SETBP1: variants seen among roughly 807,000 people sequenced by gnomAD.
SETBP1 encodes SET-binding protein.
In SETBP1, 9 loss-of-function variants were observed where a neutral mutation model predicts 101.0. The ratio of observed to expected loss-of-function variants is 0.09; its 90% CI spans 0.05 to 0.16. The LOEUF is 0.16. Ranked by LOEUF, SETBP1 falls within the 10% of genes least tolerant of loss-of-function variation. The pLI, the probability that SETBP1 is intolerant of heterozygous loss-of-function variation, is 1.00. For synonymous variants in SETBP1, 818 were observed against 788.5 expected (o/e 1.04, Z -0.63); for missense variants, 1,858 against 2,033.8 (o/e 0.91, Z 1.66).
intron 2 of SETBP1, among the ~76,000 whole-genome samples, chr18:44,742,530 C>T (rs1020166042): frequency 1.3e-4 from 20 of 152,322 alleles, no homozygotes; most frequent in African/African-American, 4.8e-4. Flanking sequence ...CATCCAGAAG[C>T]AGCTATTGCC....
intron 4 of SETBP1, among the ~76,000 whole-genome samples, chr18:44,999,205 G>A (rs1311378279): frequency 1.3e-5 from 2 of 151,994 alleles, no homozygotes; most frequent in Admixed American, 1.3e-4. Context: ...TAATAGTCTG[G>A]TCTCCCTAGT....
intron 4 of SETBP1, among the ~76,000 whole-genome samples, chr18:45,036,425 A>T (rs2073400050): frequency 6.6e-6 from 1 of 152,042 alleles, no homozygotes. Flanking sequence ...ACTGTTACCT[A>T]TTTGGATGTG....
intron 4 of SETBP1, among the ~76,000 whole-genome samples, chr18:45,016,154 T>TG (rs1193802833): frequency 6.6e-6 from 1 of 152,256 alleles, no homozygotes; most frequent in African/African-American, 2.4e-5. Flanking sequence ...TTTGAGCTGT[T>TG]GCCGAATTTC....
intron 2 of SETBP1, among the ~76,000 whole-genome samples, chr18:44,842,979 A>G (rs1352745153): frequency 2.6e-5 from 4 of 152,358 alleles, no homozygotes; most frequent in Admixed American, 6.5e-5. Context: ...TTCATTCTAT[A>G]CACGAGGAAA....
At chr18:44,731,433 G>A (rs1306766045) in intron 2 of SETBP1, among the ~76,000 whole-genome samples, 1 of 152,110 alleles carries the variant, frequency 6.6e-6, no homozygotes. Flanking sequence ...GTGGGTTTTT[G>A]TCTACTGTCT....
At chr18:44,748,532 G>A (rs888553299) in intron 2 of SETBP1, among the ~76,000 whole-genome samples, 1 of 152,216 alleles carries the variant, frequency 6.6e-6, no homozygotes, top group East Asian at 1.9e-4. Context: ...CAAACTTCAA[G>A]TAGCTCAAGA....
chr18:45,035,580 C>T (rs1056096273), intron 4 of SETBP1, among the ~76,000 whole-genome samples: 3 of 152,196 alleles, frequency 2.0e-5, no homozygotes, highest in Non-Finnish European at 4.4e-5. Flanking sequence ...ATTAAAGTGA[C>T]TTGACTCCGT....
chr18:45,056,685 A>C (rs1274431214), intron 5 of SETBP1, among the ~76,000 whole-genome samples: 1 of 152,182 alleles, frequency 6.6e-6, no homozygotes. Flanking sequence ...TTCTAAATCC[A>C]ACACCCTTCC....
intron 4 of SETBP1, among the ~76,000 whole-genome samples, chr18:45,019,658 T>G (rs886530616): frequency 1.3e-5 from 2 of 152,202 alleles, no homozygotes; most frequent in African/African-American, 4.8e-5. Context: ...TGTGGCCTAA[T>G]TGCACATTCA....
At chr18:44,954,205 C>T (rs1195907433) in intron 4 of SETBP1, among the ~76,000 whole-genome samples, 1 of 152,078 alleles carries the variant, frequency 6.6e-6, no homozygotes. Flanking sequence ...TAGGGCCTCA[C>T]ATTTCTGCAA....
intron 2 of SETBP1, among the ~76,000 whole-genome samples, chr18:44,764,402 T>C (rs2070722551): frequency 6.6e-6 from 1 of 152,094 alleles, no homozygotes. Context: ...TAACTACCTC[T>C]GTTGTTGTTG....
intron 4 of SETBP1, among the ~76,000 whole-genome samples, chr18:45,023,976 C>T (rs1333527501): frequency 6.6e-6 from 1 of 152,158 alleles, no homozygotes; most frequent in Non-Finnish European, 1.5e-5. Context: ...AACCAAGGAC[C>T]GTCTGGCTCC....
chr18:44,983,672 G>A (rs2072164168), intron 4 of SETBP1, among the ~76,000 whole-genome samples: 1 of 152,126 alleles, frequency 6.6e-6, no homozygotes, highest in African/African-American at 2.4e-5. Context: ...TGCCAGCTGA[G>A]TGCTTTCTTC....
At chr18:45,011,032 G>A (rs1322602326) in intron 4 of SETBP1, among the ~76,000 whole-genome samples, 2 of 152,198 alleles carry the variant, frequency 1.3e-5, no homozygotes, top group Non-Finnish European at 2.9e-5. Flanking sequence ...ACAATTTACT[G>A]ATATGGATGC....
chr18:44,810,051 A>AT (rs1401615962), intron 2 of SETBP1, among the ~76,000 whole-genome samples: 6 of 151,970 alleles, frequency 3.9e-5, no homozygotes, highest in African/African-American at 1.2e-4. Flanking sequence ...GATTTAATGG[A>AT]TTTTATCACT....
chr18:44,974,072 G>C (rs2071931303), intron 4 of SETBP1, among the ~76,000 whole-genome samples: 1 of 152,100 alleles, frequency 6.6e-6, no homozygotes, highest in Admixed American at 6.6e-5. Context: ...AAGTGCAGTG[G>C]CTTACAAAAT....
At chr18:44,808,328 C>T (rs1263122058) in intron 2 of SETBP1, among the ~76,000 whole-genome samples, 3 of 152,186 alleles carry the variant, frequency 2.0e-5, no homozygotes, top group East Asian at 3.9e-4. Flanking sequence ...AGCCCCTGAG[C>T]ATCCACAGCA....
chr18:44,878,348 T>A (rs1238444903), intron 3 of SETBP1, among the ~76,000 whole-genome samples: 1 of 152,132 alleles, frequency 6.6e-6, no homozygotes, highest in Non-Finnish European at 1.5e-5. Flanking sequence ...TTTTTTCTCT[T>A]CAATCCTTTT....
intron 2 of SETBP1, among the ~76,000 whole-genome samples, chr18:44,848,072 GGTGTGTGTGTGTGTGT>G (rs4024595): frequency 6.7e-5 from 10 of 148,530 alleles, no homozygotes; most frequent in Non-Finnish European, 1.3e-4. Context: ...ACTCTCTGAA[GGTGTGTGTGTGTGTGT>G]GTGTGTGTGT....
Sources: gnomAD v4.1 joint callset for allele counts (sites outside exome capture counted in the v4.1 genomes callset) on GRCh38, gnomAD v4.1.1 for gene constraint, MANE v1.5 for transcripts, NCBI Gene and HGNC (gene_info 2026-07-23, HGNC 2026-07-21) for gene names.